AFG2A: variants seen among roughly 807,000 people sequenced by gnomAD.
AFG2A encodes the protein ATPase family gene 2 protein homolog A.
chr4:123,197,584 G>A, the AFG2A span, among the ~76,000 whole-genome samples: 21 of 150,238 alleles, frequency 1.4e-4, no homozygotes, highest in East Asian at 1.4e-3. Flanking sequence ...CCTGGCCAAC[G>A]TAGTGAAACC....
chr4:123,183,909 A>G, the AFG2A span, among the ~76,000 whole-genome samples: 11 of 151,420 alleles, frequency 7.3e-5, no homozygotes, highest in Non-Finnish European at 1.5e-4. Context: ...ACAGACATTC[A>G]CCACCATGCC....
chr4:123,121,730 T>A, the AFG2A span, among the ~76,000 whole-genome samples: 1 of 152,276 alleles, frequency 6.6e-6, no homozygotes, highest in East Asian at 1.9e-4. Flanking sequence ...AATGACAAAA[T>A]CACTTAAGGA....
At chr4:122,947,686 A>T in the AFG2A span, among the ~76,000 whole-genome samples, 1 of 152,136 alleles carries the variant, frequency 6.6e-6, no homozygotes, top group Non-Finnish European at 1.5e-5. Flanking sequence ...AATAAAAATC[A>T]CTCAATCCTA....
At chr4:123,187,879 C>T in the AFG2A span, among the ~76,000 whole-genome samples, 8 of 151,840 alleles carry the variant, frequency 5.3e-5, no homozygotes, top group South Asian at 1.7e-3. Context: ...GCTTGTAGTC[C>T]CAGCTACTCT....
At chr4:123,199,479 T>G in the AFG2A span, among the ~76,000 whole-genome samples, 2 of 139,550 alleles carry the variant, frequency 1.4e-5, no homozygotes, top group East Asian at 2.1e-4. Flanking sequence ...TTTTTTTTTT[T>G]TTTTTTTTTT....
the AFG2A span, among the ~76,000 whole-genome samples, chr4:122,985,492 C>T: frequency 1.3e-5 from 2 of 152,124 alleles, no homozygotes; most frequent in African/African-American, 2.4e-5. Flanking sequence ...GGTACTAATT[C>T]TTCCTGATTT....
chr4:123,044,060 G>T, the AFG2A span, among the ~76,000 whole-genome samples: 1 of 152,182 alleles, frequency 6.6e-6, no homozygotes, highest in Non-Finnish European at 1.5e-5. Context: ...GATCTGTAGA[G>T]CTGTGTTTCA....
At chr4:123,191,952 G>C in the AFG2A span, among the ~76,000 whole-genome samples, 2 of 151,548 alleles carry the variant, frequency 1.3e-5, no homozygotes, top group African/African-American at 2.4e-5. Context: ...TTATCAGTCT[G>C]TTTCCTTATG....
the AFG2A span, among the ~76,000 whole-genome samples, chr4:123,039,268 G>A: frequency 6.6e-6 from 1 of 152,148 alleles, no homozygotes; most frequent in South Asian, 2.1e-4. Context: ...CTTGGCTTTT[G>A]CAGACAATTG....
chr4:122,965,508 C>T, the AFG2A span, among the ~76,000 whole-genome samples: 1 of 152,170 alleles, frequency 6.6e-6, no homozygotes, highest in African/African-American at 2.4e-5. Context: ...CCTTTTCTTC[C>T]CTTCAAGGTA....
chr4:122,960,064 A>G, the AFG2A span, among the ~76,000 whole-genome samples: 1 of 152,182 alleles, frequency 6.6e-6, no homozygotes, highest in African/African-American at 2.4e-5. Context: ...TGACTTGTCC[A>G]AAGAGCTAAT....
chr4:123,176,112 G>A, the AFG2A span, among the ~76,000 whole-genome samples: 1 of 152,194 alleles, frequency 6.6e-6, no homozygotes, highest in South Asian at 2.1e-4. Context: ...GAAGAATTGA[G>A]TGAAGCTAAT....
chr4:122,988,391 G>A, the AFG2A span, among the ~76,000 whole-genome samples: 1 of 118,284 alleles, frequency 8.5e-6, no homozygotes, highest in Admixed American at 1.0e-4. Context: ...GAAATTTTCT[G>A]TCATTCTTTC....
the AFG2A span, among the ~76,000 whole-genome samples, chr4:123,048,822 T>C: frequency 0.012 from 1,837 of 152,302 alleles, 41 homozygotes; most frequent in African/African-American, 0.041. Flanking sequence ...CAAGCACAAT[T>C]TGACTTCTTC....
At chr4:123,201,614 T>A in the AFG2A span, among the ~76,000 whole-genome samples, 1 of 152,138 alleles carries the variant, frequency 6.6e-6, no homozygotes, top group Non-Finnish European at 1.5e-5. Context: ...GGGTAACAAG[T>A]TATCTTAAAA....
the AFG2A span, among the ~76,000 whole-genome samples, chr4:122,945,208 G>A: frequency 6.6e-6 from 1 of 152,228 alleles, no homozygotes; most frequent in Non-Finnish European, 1.5e-5. Context: ...GGTTACTGCT[G>A]TCTTTTTGTT....
chr4:122,946,889 T>A, the AFG2A span, among the ~76,000 whole-genome samples: 1 of 152,148 alleles, frequency 6.6e-6, no homozygotes, highest in African/African-American at 2.4e-5. Flanking sequence ...AAAACAATTA[T>A]ATGGTACATA....
the AFG2A span, among the ~76,000 whole-genome samples, chr4:123,011,820 G>T: frequency 6.6e-6 from 1 of 152,256 alleles, no homozygotes; most frequent in South Asian, 2.1e-4. Flanking sequence ...AGAAAAGAGA[G>T]GGTAGAGACA....
the AFG2A span, among the ~76,000 whole-genome samples, chr4:123,096,389 T>A: frequency 1.3e-5 from 2 of 152,112 alleles, no homozygotes; most frequent in African/African-American, 4.8e-5. Context: ...TTATTAATGA[T>A]GCCCAAATAA....
Sources: allele counts gnomAD v4.1 joint callset (sites outside exome capture counted in the v4.1 genomes callset), GRCh38; gene constraint gnomAD v4.1.1; transcripts MANE v1.5; gene names NCBI Gene and HGNC (gene_info 2026-07-23, HGNC 2026-07-21).